Variants in BICD1 observed in about 807,000 individuals in gnomAD.
BICD1 encodes BICD cargo adaptor 1, also known as protein bicaudal D homolog 1.
Under a neutral mutation model 92.5 loss-of-function variants are expected in BICD1, and 35 were observed. That is an observed-to-expected ratio of 0.38 (90% confidence interval 0.29 to 0.50). BICD1 has a LOEUF of 0.50. Among genes scored for constraint, BICD1 ranks in the 20% least tolerant of loss-of-function variants. The probability of loss-of-function intolerance (pLI) is 0.93; values close to 1 mark genes in which losing one functional copy is unlikely to be tolerated. For synonymous variants in BICD1, 429 were observed against 465.1 expected (o/e 0.92, Z 1.00); for missense variants, 950 against 1,189.8 (o/e 0.80, Z 2.97).
intron 8 of BICD1, among the ~76,000 whole-genome samples, chr12:32,350,225 G>C (rs1938803871): frequency 2.0e-5 from 3 of 152,178 alleles, no homozygotes; most frequent in Non-Finnish European, 4.4e-5. Flanking sequence ...GCTCATGCCT[G>C]TAATCCCCGC....
chr12:32,318,105 G>T (rs954114906), intron 4 of BICD1, among the ~76,000 whole-genome samples: 249 of 151,704 alleles, frequency 1.6e-3, no homozygotes, highest in South Asian at 3.7e-3. Flanking sequence ...TGCTGTTTTG[G>T]TTACTGTAGC....
At chr12:32,159,806 G>A (rs61926904) in intron 1 of BICD1, among the ~76,000 whole-genome samples, 20,151 of 152,016 alleles carry the variant, frequency 0.13, 1,369 homozygotes, top group Middle Eastern at 0.17. Context: ...CACTTATCTT[G>A]CCATACCCTT....
chr12:32,339,473 C>T, intron 8 of BICD1: 1 of 985,500 alleles, frequency 1.0e-6, no homozygotes, highest in Non-Finnish European at 1.2e-6. Context: ...AGATTTTGCT[C>T]CTCAAGAACA....
At chr12:32,356,012 T>A (rs865990865) in intron 8 of BICD1, among the ~76,000 whole-genome samples, 2 of 152,322 alleles carry the variant, frequency 1.3e-5, no homozygotes, top group South Asian at 4.1e-4. Context: ...TCTTATTTCC[T>A]TGTTGTTAAT....
At chr12:32,223,838 G>T (rs968064388) in intron 2 of BICD1, among the ~76,000 whole-genome samples, 1 of 152,086 alleles carries the variant, frequency 6.6e-6, no homozygotes, top group East Asian at 1.9e-4. Flanking sequence ...TTTCAATATT[G>T]TCTTATGTCA....
chr12:32,117,893 G>C lies in BICD1; in HGVS notation c.213+10349G>C, dbSNP rs1406977621. On this transcript the variant is annotated intron_variant, in intron 1 of 9. Transcript: ENST00000652176. The stretch of plus-strand genomic sequence containing the variant: ...AGGCTCCCGAGTAGCTGGGATTACA[G>C]GCATGCACCACCATGCCCAGCTAAT... Among the ~76,000 whole-genome samples the C allele has an allele frequency of 2.7e-5, 4 of 150,102 alleles. No individual in the cohort carries two copies. In the East Asian group the frequency reaches 5.9e-4, roughly 22 times the overall value.
At chr12:32,140,611 C>G (rs1003720430) in intron 1 of BICD1, among the ~76,000 whole-genome samples, 77 of 152,254 alleles carry the variant, frequency 5.1e-4, no homozygotes, top group African/African-American at 1.8e-3. Context: ...TCCCGAGTAG[C>G]CTCCATTGAA....
chr12:32,239,031 G>C (rs1429376759), intron 2 of BICD1, among the ~76,000 whole-genome samples: 3 of 151,002 alleles, frequency 2.0e-5, no homozygotes, highest in African/African-American at 7.3e-5. Context: ...TGGATCATGA[G>C]GTCAGGAGAT....
intron 4 of BICD1, among the ~76,000 whole-genome samples, chr12:32,315,087 C>T (rs1381055526): frequency 1.3e-5 from 2 of 152,098 alleles, no homozygotes; most frequent in Non-Finnish European, 2.9e-5. Context: ...TATAGTTTAT[C>T]TCTTACATTT....
intron 1 of BICD1, among the ~76,000 whole-genome samples, chr12:32,159,764 A>T (rs1943545680): frequency 6.6e-6 from 1 of 152,108 alleles, no homozygotes; most frequent in African/African-American, 2.4e-5. Flanking sequence ...TTGGATTCCC[A>T]CCTGTTTACC....
rs527548142 is a variant in BICD1 at position 32,307,065 on chromosome 12, T to G, written c.1005+943T>G. Among the ~76,000 whole-genome samples the G allele has an allele frequency of 4.6e-5, 7 of 152,208 alleles. No homozygotes were observed. The South Asian group carries it at 1.5e-3, about 32-fold the overall frequency. On this transcript the variant is annotated intron_variant, in intron 4 of 9. Transcript: ENST00000652176. Reference sequence around the variant, plus strand: ...AAAAGACAGAGCCTTAATGCATTTCTGATTAACAAAAGAATTCAAAAGCTT... The same window carrying G: ...AAAAGACAGAGCCTTAATGCATTTCGGATTAACAAAAGAATTCAAAAGCTT...
At chr12:32,249,088 C>G (rs1443833029) in intron 2 of BICD1, among the ~76,000 whole-genome samples, 2 of 152,222 alleles carry the variant, frequency 1.3e-5, no homozygotes, top group Admixed American at 1.3e-4. Flanking sequence ...AGGGACCCTT[C>G]CCTTACTGTC....
chr12:32,225,621 G>GTTTTTTTTTTTTTTTTTTT (rs58895470), intron 2 of BICD1, among the ~76,000 whole-genome samples: 8 of 92,780 alleles, frequency 8.6e-5, no homozygotes, highest in African/African-American at 1.1e-4. Flanking sequence ...CTTTTTTTCT[G>GTTTTTTTTTTTTTTTTTTT]TTTTTTTTTT....
chr12:32,312,636 G>T (rs1565662775), intron 4 of BICD1, among the ~76,000 whole-genome samples: 1 of 152,138 alleles, frequency 6.6e-6, no homozygotes, highest in Admixed American at 6.6e-5. Flanking sequence ...TTACTGAATT[G>T]TATGCCTTCC....
rs1220787463 is a variant in BICD1, at chr12:32,273,885, A to T, written c.427-20109A>T. Among the ~76,000 whole-genome samples the T allele has an allele frequency of 3.9e-5, 6 of 152,354 alleles. No homozygotes were observed. In the East Asian group the frequency reaches 1.2e-3, roughly 29 times the overall value. ...CTTGCCAACAGGCCCTCCACCTCACAGACTGAACACCAGGCCACCACACAG... is the reference window on the plus strand; with the variant it reads ...CTTGCCAACAGGCCCTCCACCTCACTGACTGAACACCAGGCCACCACACAG... On this transcript the variant is annotated intron_variant, in intron 2 of 9. Coordinates refer to ENST00000652176, the MANE Select transcript of BICD1 (RefSeq NM_001714.4).
intron 8 of BICD1, among the ~76,000 whole-genome samples, chr12:32,361,160 G>A (rs967229967): frequency 6.6e-6 from 1 of 152,162 alleles, no homozygotes; most frequent in Non-Finnish European, 1.5e-5. Flanking sequence ...TACCACACAT[G>A]ATTTCCTTTC....
chr12:32,116,337 C>A lies in BICD1; in HGVS notation c.213+8793C>A, dbSNP rs567609761. 7.2e-5 allele frequency among the ~76,000 whole-genome samples: 11 copies of A among 152,142 alleles called. No individual in the cohort carries two copies. The South Asian group carries it at 2.1e-3, about 29-fold the overall frequency. On this transcript the variant is annotated intron_variant, in intron 1 of 9. Coordinates refer to ENST00000652176, the MANE Select transcript of BICD1 (RefSeq NM_001714.4). ...CACCTAGACTTCAGGGATCTTCCAT[C>A]AACTCTTTTATGTATTTTTTCTCCT...
intron 8 of BICD1, among the ~76,000 whole-genome samples, chr12:32,361,390 C>T (rs325431): frequency 0.59 from 89,825 of 151,434 alleles, 28,190 homozygotes; most frequent in African/African-American, 0.81. Context: ...CCATCTCCAC[C>T]AAACATACAA....
chr12:32,173,052 T>TG (rs1039909563), intron 1 of BICD1, among the ~76,000 whole-genome samples: 3 of 140,704 alleles, frequency 2.1e-5, no homozygotes, highest in African/African-American at 7.3e-5. Context: ...AGAGTTTTTT[T>TG]TTTTGTTTTT....
Sources: allele counts gnomAD v4.1 joint callset (sites outside exome capture counted in the v4.1 genomes callset), GRCh38; gene constraint gnomAD v4.1.1; transcripts MANE v1.5; gene names NCBI Gene and HGNC (gene_info 2026-07-23, HGNC 2026-07-21).